Variants in ATP8A2 observed in about 807,000 individuals in gnomAD.
ATP8A2 encodes phospholipid-transporting ATPase IB.
A neutral mutation model predicts 165.6 loss-of-function variants in ATP8A2; 100 were observed. That is an observed-to-expected ratio of 0.60 (90% CI 0.51 to 0.71). The LOEUF (loss-of-function observed/expected upper bound fraction) is 0.71, where lower values mean the gene tolerates loss of function less well. ATP8A2 is among the 30% of genes least tolerant of loss of function. The pLI, the probability that ATP8A2 is intolerant of heterozygous loss-of-function variation, is 0.00. For synonymous variants in ATP8A2, 543 were observed against 548.8 expected, an observed-to-expected ratio of 0.99 and a Z score of 0.15; for missense variants, 1,227 against 1,479.5, an observed-to-expected ratio of 0.83 and a Z score of 2.80.
intron 10 of ATP8A2, among the ~76,000 whole-genome samples, chr13:25,544,892 C>T (rs1305855769): frequency 2.8e-5 from 4 of 142,964 alleles, no homozygotes; most frequent in African/African-American, 1.0e-4. Context: ...AGCCAAATGG[C>T]GTGAATTTTA....
intron 30 of ATP8A2, among the ~76,000 whole-genome samples, chr13:25,842,870 G>A (rs1218631533): frequency 6.6e-6 from 1 of 152,082 alleles, no homozygotes; most frequent in Non-Finnish European, 1.5e-5. Flanking sequence ...TTATGATCAG[G>A]GCAATTTGGG....
intron 25 of ATP8A2, among the ~76,000 whole-genome samples, chr13:25,762,329 A>G (rs1318687137): frequency 1.5e-5 from 2 of 136,172 alleles, no homozygotes; most frequent in Non-Finnish European, 3.1e-5. Flanking sequence ...GTTTTTAAGG[A>G]TATTTGTAGA....
chr13:26,024,645 T>A lies in ATP8A2; in HGVS notation c.*4660T>A, dbSNP rs1957133862. The A allele has an allele frequency of 6.6e-6, 1 of 152,222 alleles. No homozygotes were observed. Among genetic ancestry groups the A allele is most frequent in the Admixed American group, 6.5e-5 (1 of 15,278 alleles). 9.4% of individuals were successfully genotyped at this position (152,222 alleles called of 1,614,324 possible). A position where few individuals can be genotyped will look rare whatever the true frequency, so the allele number is the denominator to read the frequency against. ...AACTGAGGAGAGACAAAAGAGGGAT[T>A]CTTTTTACACCCAGGCTGGCGCATT... is the stretch of plus-strand genomic sequence containing the variant. On this transcript the variant is annotated 3_prime_UTR_variant, in exon 37 of 37. Coordinates refer to ENST00000381655, the MANE Select transcript of ATP8A2 (RefSeq NM_016529.6).
At chr13:25,642,594 C>T (rs2041557533) in intron 24 of ATP8A2, among the ~76,000 whole-genome samples, 1 of 152,200 alleles carries the variant, frequency 6.6e-6, no homozygotes, top group South Asian at 2.1e-4. Flanking sequence ...GAGGAAACAA[C>T]AGGTGCTGGA....
chr13:25,891,484 G>A (rs1468130974), intron 33 of ATP8A2, among the ~76,000 whole-genome samples: 4 of 151,992 alleles, frequency 2.6e-5, no homozygotes, highest in South Asian at 2.1e-4. Flanking sequence ...CATCATGCCC[G>A]CCTGATTTTT....
chr13:25,619,809 T>C (rs2040923676), intron 24 of ATP8A2, among the ~76,000 whole-genome samples: 1 of 152,248 alleles, frequency 6.6e-6, no homozygotes. Flanking sequence ...GGACCACATA[T>C]GGTCTCTATT....
intron 2 of ATP8A2, among the ~76,000 whole-genome samples, chr13:25,492,045 A>T (rs553423443): frequency 1.2e-4 from 19 of 152,186 alleles, no homozygotes; most frequent in African/African-American, 4.3e-4. Flanking sequence ...TACTGGCATG[A>T]TTAGATGCAG....
At chr13:25,489,617 A>T (rs934596824) in intron 2 of ATP8A2, among the ~76,000 whole-genome samples, 7 of 152,136 alleles carry the variant, frequency 4.6e-5, no homozygotes, top group Non-Finnish European at 1.0e-4. Flanking sequence ...TGCCAATGGG[A>T]AGTGGAAAAC....
rs75461803 is a variant in ATP8A2 at position 25,431,097 on chromosome 13, A to T, written c.77-37880A>T. On this transcript the variant is annotated intron_variant, in intron 1 of 36. Coordinates refer to ENST00000381655, the MANE Select transcript of ATP8A2 (RefSeq NM_016529.6). ...TTTTGATAACATAGCCTTTGAATGGATTAGAAAACCTCAACATTGTTAAGT... is the reference window on the plus strand; with the variant it reads ...TTTTGATAACATAGCCTTTGAATGGTTTAGAAAACCTCAACATTGTTAAGT... 9.9e-3 allele frequency among the ~76,000 whole-genome samples: 1,506 copies of T among 152,206 alleles called. 33 individuals carry two copies. Among genetic ancestry groups the T allele is most frequent in the African/African-American group, 0.034 (1,402 of 41,510 alleles).
intron 24 of ATP8A2, among the ~76,000 whole-genome samples, chr13:25,616,326 C>CTTTTTTTTTTTTT (rs535891442): frequency 4.9e-4 from 52 of 106,748 alleles, no homozygotes; most frequent in Non-Finnish European, 7.7e-4. Context: ...TTCTTTCTTT[C>CTTTTTTTTTTTTT]TTTTTTTTTT....
At chr13:25,405,562 C>G (rs2033776143) in intron 1 of ATP8A2, among the ~76,000 whole-genome samples, 1 of 152,112 alleles carries the variant, frequency 6.6e-6, no homozygotes, top group South Asian at 2.1e-4. Context: ...TCTTGAGACC[C>G]TAAAGAGCTT....
At chr13:25,814,485 C>T (rs116911090) in intron 27 of ATP8A2, among the ~76,000 whole-genome samples, 2,486 of 152,046 alleles carry the variant, frequency 0.016, 47 homozygotes, top group Non-Finnish European at 0.023. Context: ...TACTACAGAG[C>T]TACAGTAGTC....
At chr13:25,786,708 T>C (rs2045035225) in intron 27 of ATP8A2, among the ~76,000 whole-genome samples, 1 of 151,876 alleles carries the variant, frequency 6.6e-6, no homozygotes, top group South Asian at 2.1e-4. Flanking sequence ...AAATAAGGTA[T>C]AATTTACACG....
chr13:25,953,626 G>A lies in ATP8A2; in HGVS notation c.3184-7949G>A, dbSNP rs1050898818. On this transcript the variant is annotated intron_variant, in intron 33 of 36. Coordinates refer to ENST00000381655, the MANE Select transcript of ATP8A2 (RefSeq NM_016529.6). This position sits in a 1 kb window ranked among gnomAD's most constrained non-coding sequence, Gnocchi z 6.7. ...AGGGAGATCAAGGCAGACAGCGAGT[G>A]ATTTCTGCATTTCCAGCTGAGGAAC... Among the ~76,000 whole-genome samples, 1 of 151,752 alleles carries A rather than the reference G, an allele frequency of 6.6e-6. No homozygotes were observed. The highest frequency in any genetic ancestry group is 2.1e-4 in the South Asian group (1 of 4,814).
chr13:25,945,174 G>A (rs925315602), intron 33 of ATP8A2, among the ~76,000 whole-genome samples: 1 of 152,158 alleles, frequency 6.6e-6, no homozygotes, highest in African/African-American at 2.4e-5. Context: ...GTTGGAAGTC[G>A]GAATGATTGC....
chr13:25,677,170 T>A (rs1197350720), intron 24 of ATP8A2, among the ~76,000 whole-genome samples: 1 of 152,202 alleles, frequency 6.6e-6, no homozygotes, highest in African/African-American at 2.4e-5. Flanking sequence ...CACTGTGGTC[T>A]CTGCTAGCCA....
chr13:25,964,317 T>C (rs754100), intron 34 of ATP8A2, among the ~76,000 whole-genome samples: 72,599 of 152,064 alleles, frequency 0.48, 17,438 homozygotes, highest in East Asian at 0.58. Context: ...ATATCTAAAC[T>C]ACCCTCACCC....
At chr13:25,507,212 C>T (rs1174999509) in intron 2 of ATP8A2, among the ~76,000 whole-genome samples, 5 of 137,848 alleles carry the variant, frequency 3.6e-5, no homozygotes, top group Non-Finnish European at 7.7e-5. Context: ...TGTGCTGGTA[C>T]CATTCTTTGT....
At chr13:25,745,131 C>T (rs911432647) in intron 25 of ATP8A2, among the ~76,000 whole-genome samples, 10 of 152,146 alleles carry the variant, frequency 6.6e-5, no homozygotes, top group Non-Finnish European at 1.3e-4. Flanking sequence ...TTAGTAGAGA[C>T]GGGGTTTTGC....
Sources: gnomAD v4.1 joint callset for allele counts (sites outside exome capture counted in the v4.1 genomes callset) on GRCh38, gnomAD v4.1.1 for gene constraint, Gnocchi (gnomAD v3.1) non-coding constraint, MANE v1.5 for transcripts, NCBI Gene and HGNC (gene_info 2026-07-23, HGNC 2026-07-21) for gene names.